Variants in CEP70 observed in about 807,000 individuals in gnomAD.
CEP70 encodes centrosomal protein of 70 kDa.
In CEP70, 70 loss-of-function variants were observed where a neutral mutation model predicts 90.9. The observed-to-expected ratio is 0.77, with a 90% CI of 0.64 to 0.94. The LOEUF is 0.94. CEP70 is among the 40% of genes least tolerant of loss of function. CEP70 has a pLI of 0.00. For missense variants in CEP70, 648 were observed against 669.0 expected (o/e 0.97, Z 0.35); for synonymous variants, 220 against 228.3 (o/e 0.96, Z 0.33).
In CEP70 at chr3:138,505,443, A is replaced by G. The variant is rs573449409; in HGVS notation, c.1073T>C (p.Ile358Thr). ...TACTGGAGCTCTTGGATTGTGGATA[A>G]TTGAATTGATGCTACACAGCACCTT... ...YFQVLCSINSIIHNPRAPVII... is the reference protein window; with the variant it reads ...YFQVLCSINSTIHNPRAPVII... Residue 358 changes from isoleucine (I) to threonine (T), a missense_variant, in exon 13 of 18, where the codon ATT becomes ACT. Ile to Thr is a moderately conservative substitution (Grantham distance 89). Coordinates refer to ENST00000264982, the MANE Select transcript of CEP70 (RefSeq NM_024491.4). 1 of 1,605,780 alleles carries G rather than the reference A, an allele frequency of 6.2e-7. No homozygotes were observed.
chr3:138,575,053 G>A (rs958604492), intron 2 of CEP70, among the ~76,000 whole-genome samples: 8 of 152,162 alleles, frequency 5.3e-5, no homozygotes, highest in Admixed American at 2.0e-4. Flanking sequence ...TCCTCCAAAG[G>A]ATCGCAGCTC....
At chr3:138,564,752 C>T (rs1208933340) in intron 6 of CEP70, among the ~76,000 whole-genome samples, 2 of 152,110 alleles carry the variant, frequency 1.3e-5, no homozygotes, top group East Asian at 3.9e-4. Flanking sequence ...ACTGAATGGG[C>T]AAAAACCAGA....
At chr3:138,592,913 T>C (rs1009589437) in intron 1 of CEP70, 1 of 152,212 alleles carries the variant, frequency 6.6e-6, no homozygotes, top group African/African-American at 2.4e-5. Context: ...CCTTATTAAA[T>C]GCAAAAGCTC....
At chr3:138,540,332 T>TA (rs1381938894) in intron 6 of CEP70, among the ~76,000 whole-genome samples, 1 of 151,992 alleles carries the variant, frequency 6.6e-6, no homozygotes, top group Non-Finnish European at 1.5e-5. Context: ...CACTCTCTAC[T>TA]AAAAGTAAAT....
At chr3:138,506,898 G>A (rs778228965) in intron 12 of CEP70, among the ~76,000 whole-genome samples, 6 of 151,906 alleles carry the variant, frequency 3.9e-5, no homozygotes, top group Non-Finnish European at 8.8e-5. Flanking sequence ...AAGCCACCAT[G>A]CCCAGCTAAT....
At chr3:138,514,978 A>G (rs1175143974) in intron 11 of CEP70, among the ~76,000 whole-genome samples, 4 of 152,186 alleles carry the variant, frequency 2.6e-5, no homozygotes, top group African/African-American at 9.7e-5. Context: ...AGAAAAATAT[A>G]GCAGGAATTG....
intron 8 of CEP70, chr3:138,530,571 CT>C: frequency 4.1e-6 from 4 of 985,336 alleles, no homozygotes; most frequent in Non-Finnish European, 4.8e-6. Context: ...AGCAGAGAAG[CT>C]TTTGCCACTG....
intron 17 of CEP70, among the ~76,000 whole-genome samples, chr3:138,495,336 G>T (rs572654703): frequency 6.6e-5 from 10 of 152,308 alleles, no homozygotes; most frequent in African/African-American, 2.4e-4. Flanking sequence ...TTCATTAGCA[G>T]CATGTCCTTA....
intron 6 of CEP70, among the ~76,000 whole-genome samples, chr3:138,551,798 G>A (rs898474318): frequency 2.7e-5 from 4 of 148,358 alleles, no homozygotes; most frequent in African/African-American, 9.9e-5. Flanking sequence ...GCAAAAAATA[G>A]CATGATGAAT....
chr3:138,542,561 C>T (rs1033897067), intron 6 of CEP70, among the ~76,000 whole-genome samples: 1 of 152,226 alleles, frequency 6.6e-6, no homozygotes, highest in African/African-American at 2.4e-5. Context: ...CCTGGCCCCA[C>T]AGCTGCTTCC....
chr3:138,556,141 CTA>C (rs2039986573), intron 6 of CEP70, among the ~76,000 whole-genome samples: 1 of 152,130 alleles, frequency 6.6e-6, no homozygotes, highest in Admixed American at 6.6e-5. Flanking sequence ...GGATTGTAGA[CTA>C]TTATTCTAAG....
intron 12 of CEP70, among the ~76,000 whole-genome samples, chr3:138,506,217 C>A (rs1304088973): frequency 1.3e-5 from 2 of 152,128 alleles, no homozygotes; most frequent in Non-Finnish European, 2.9e-5. Context: ...AGTGTGGTGG[C>A]TCATGCCTGT....
intron 6 of CEP70, among the ~76,000 whole-genome samples, chr3:138,548,599 C>G (rs2039389398): frequency 6.6e-6 from 1 of 152,174 alleles, no homozygotes; most frequent in Non-Finnish European, 1.5e-5. Context: ...ATACTATTCC[C>G]TGCATATGCA....
chr3:138,533,773 AT>A (rs1357755434), intron 7 of CEP70, among the ~76,000 whole-genome samples: 1 of 151,610 alleles, frequency 6.6e-6, no homozygotes, highest in Admixed American at 6.6e-5. Flanking sequence ...TTGAATTTTT[AT>A]TTTTTGTTTT....
At chr3:138,523,949 G>A (rs2036948481) in intron 11 of CEP70, among the ~76,000 whole-genome samples, 1 of 150,648 alleles carries the variant, frequency 6.6e-6, no homozygotes, top group Non-Finnish European at 1.5e-5. Flanking sequence ...AAAGCTGAAG[G>A]CATCATGCTA....
chr3:138,568,220 G>GCTAA lies in CEP70; in HGVS notation c.465+2094_465+2097dup, dbSNP rs1560429329. Among the ~76,000 whole-genome samples, 4 of 152,252 alleles carry GCTAA rather than the reference G, an allele frequency of 2.6e-5. No individual in the cohort carries two copies. In the East Asian group the frequency reaches 7.7e-4, roughly 29 times the overall value. On this transcript the variant is annotated intron_variant, in intron 6 of 17. Transcript: ENST00000264982. Reference sequence around the variant, plus strand: ...AAATCTTTGGGACCTGGAACAAAGAGCTAAAGGCACGATAAATCATTTATG... The same window carrying GCTAA: ...AAATCTTTGGGACCTGGAACAAAGAGCTAACTAAAGGCACGATAAATCATTTATG...
At chr3:138,577,647 C>T (rs754367943) in intron 2 of CEP70, among the ~76,000 whole-genome samples, 7 of 151,396 alleles carry the variant, frequency 4.6e-5, no homozygotes, top group Non-Finnish European at 1.0e-4. Context: ...GACTCTGCCT[C>T]GGAAAAAATA....
intron 11 of CEP70, among the ~76,000 whole-genome samples, chr3:138,518,676 A>G (rs1032735071): frequency 3.9e-5 from 6 of 152,214 alleles, no homozygotes; most frequent in South Asian, 2.1e-4. Context: ...CCAAAACCCC[A>G]TCTGTACATC....
chr3:138,505,563 C>G, intron 12 of CEP70, 98 bp from the exon 13 acceptor site: 7 of 639,646 alleles, frequency 1.1e-5, no homozygotes, highest in Non-Finnish European at 1.6e-5. Context: ...ATATTATATA[C>G]ACATATTTCA....
Sources: allele counts gnomAD v4.1 joint callset (sites outside exome capture counted in the v4.1 genomes callset), GRCh38; gene constraint gnomAD v4.1.1; transcripts MANE v1.5; gene names NCBI Gene and HGNC (gene_info 2026-07-23, HGNC 2026-07-21).